HDAC4: variants seen among roughly 807,000 people sequenced by gnomAD.
The protein encoded by HDAC4 is histone deacetylase 4.
A neutral mutation model predicts 135.1 loss-of-function variants in HDAC4; 16 were observed. The ratio of observed to expected loss-of-function variants is 0.12; its 90% CI spans 0.08 to 0.18. The LOEUF (loss-of-function observed/expected upper bound fraction) is 0.18. HDAC4 is among the 10% of genes least tolerant of loss of function. HDAC4 has a pLI of 1.00. For missense variants in HDAC4, 1,143 were observed against 1,511.8 expected (o/e 0.76, Z 4.05); for synonymous variants, 685 against 653.4 (o/e 1.05, Z -0.74).
In HDAC4 at chr2:239,376,523, G is replaced by A. The variant is rs1041937573; in HGVS notation, c.-219-23605C>T. On this transcript the variant is annotated intron_variant, in intron 1 of 26. Transcript: ENST00000543185. ...AGGTGGGACACAGACTCTGTCGACC[G>A]CCCTGGCCCGAAGGCACGTGTCTAC... 5.3e-5 allele frequency among the ~76,000 whole-genome samples: 8 copies of A among 152,352 alleles called. No individual in the cohort carries two copies. The East Asian group carries it at 9.6e-4, about 18-fold the overall frequency.
At chr2:239,302,985 C>A (rs544761459) in intron 2 of HDAC4, among the ~76,000 whole-genome samples, 1 of 152,312 alleles carries the variant, frequency 6.6e-6, no homozygotes, top group South Asian at 2.1e-4. Flanking sequence ...GTGGGCACTG[C>A]CTGGGCACTC....
intron 14 of HDAC4, among the ~76,000 whole-genome samples, chr2:239,110,198 A>G (rs1009654665): frequency 6.6e-6 from 1 of 152,250 alleles, no homozygotes; most frequent in Non-Finnish European, 1.5e-5. Flanking sequence ...ACAACCTGCC[A>G]CCACTGGGGA....
At chr2:239,088,592 G>T (rs1203363366) in intron 18 of HDAC4, among the ~76,000 whole-genome samples, 1 of 152,234 alleles carries the variant, frequency 6.6e-6, no homozygotes, top group Admixed American at 6.5e-5. Flanking sequence ...AAGCACCGGA[G>T]GGTAGACGGC....
chr2:239,121,629 C>T (rs1259891637), intron 12 of HDAC4, among the ~76,000 whole-genome samples: 1 of 152,252 alleles, frequency 6.6e-6, no homozygotes, highest in African/African-American at 2.4e-5. Flanking sequence ...AAGTGTCCCC[C>T]GCTGCCGCAC....
chr2:239,312,893 G>A (rs529265691), intron 2 of HDAC4, among the ~76,000 whole-genome samples: 13 of 152,326 alleles, frequency 8.5e-5, no homozygotes, highest in African/African-American at 2.6e-4. Flanking sequence ...GAGGGAGACC[G>A]GGAGCCTCTG....
At chr2:239,111,762 T>TAGCCCTGCAGCCCAG in intron 13 of HDAC4, 50 bp from the exon 14 acceptor site, 3 of 1,508,952 alleles carry the variant, frequency 2.0e-6, no homozygotes, top group African/African-American at 1.4e-5. Context: ...CTCCCGCCCC[T>TAGCCCTGCAGCCCAG]GGGCTGCAGG....
chr2:239,335,409 T>C (rs958651579), intron 2 of HDAC4, among the ~76,000 whole-genome samples: 11 of 141,310 alleles, frequency 7.8e-5, no homozygotes, highest in African/African-American at 1.9e-4. Context: ...AAATGAGTGA[T>C]AGAACAATGA....
chr2:239,162,953 T>C (rs1399983008), intron 6 of HDAC4, among the ~76,000 whole-genome samples: 1 of 152,158 alleles, frequency 6.6e-6, no homozygotes, highest in Non-Finnish European at 1.5e-5. Context: ...AACTCCCTTA[T>C]GGGATTTTTT....
chr2:239,145,761 C>T (rs2041714789), intron 7 of HDAC4, among the ~76,000 whole-genome samples: 1 of 152,198 alleles, frequency 6.6e-6, no homozygotes, highest in South Asian at 2.1e-4. Flanking sequence ...CTTTCTGGAA[C>T]AGGCAGTGCA....
intron 22 of HDAC4, among the ~76,000 whole-genome samples, chr2:239,078,152 C>A (rs560120358): frequency 1.4e-4 from 22 of 152,294 alleles, no homozygotes; most frequent in Admixed American, 3.9e-4. Context: ...CCTACAAGCC[C>A]CCACCCCCAG....
At chr2:239,061,212 G>A (rs1037009203) in intron 24 of HDAC4, among the ~76,000 whole-genome samples, 5 of 152,132 alleles carry the variant, frequency 3.3e-5, no homozygotes, top group South Asian at 2.1e-4. Context: ...GTATGTGTGC[G>A]TGTGTGGTGT....
At chr2:239,184,327 GT>G (rs2044354602) in intron 4 of HDAC4, among the ~76,000 whole-genome samples, 1 of 144,510 alleles carries the variant, frequency 6.9e-6, no homozygotes, top group African/African-American at 2.5e-5. Context: ...GTGTCCTATG[GT>G]GGTGGGGGGG....
intron 1 of HDAC4, among the ~76,000 whole-genome samples, chr2:239,378,500 T>C (rs1357906728): frequency 5.3e-5 from 8 of 152,036 alleles, no homozygotes; most frequent in Admixed American, 4.6e-4. Flanking sequence ...ACAAGGACCA[T>C]CGTACTGTTG....
At chr2:239,165,742 C>A (rs1272768613) in intron 5 of HDAC4, among the ~76,000 whole-genome samples, 1 of 152,176 alleles carries the variant, frequency 6.6e-6, no homozygotes, top group Non-Finnish European at 1.5e-5. Context: ...TGTGTGTGTG[C>A]ATTTACCCTG....
chr2:239,094,642 C>T (rs1575000501), intron 17 of HDAC4: 1 of 1,157,468 alleles, frequency 8.6e-7, no homozygotes, highest in Non-Finnish European at 1.1e-6. Context: ...AAACTAGGTA[C>T]AGAATACAGA....
At chr2:239,301,774 G>A (rs887768791) in intron 2 of HDAC4, among the ~76,000 whole-genome samples, 3 of 152,244 alleles carry the variant, frequency 2.0e-5, no homozygotes, top group African/African-American at 4.8e-5. Context: ...GAGAGCCACT[G>A]TAGGCCTATT....
rs531387352 is a variant in HDAC4 at position 239,258,412 on chromosome 2, G to C, written c.23-21748C>G. Among the ~76,000 whole-genome samples the C allele has an allele frequency of 1.8e-4, 27 of 152,268 alleles. No homozygotes were observed. In the East Asian group the frequency reaches 2.3e-3, roughly 13 times the overall value. On this transcript the variant is annotated intron_variant, in intron 2 of 26. Coordinates refer to ENST00000543185, the MANE Select transcript of HDAC4 (RefSeq NM_001378414.1). ...GCTGAAAACAAAAACGGCCGTGGAG[G>C]GGGAGGGGGGATTACCTACAAAGAA...
chr2:239,096,867 C>T (rs1352057111), intron 16 of HDAC4, among the ~76,000 whole-genome samples: 4 of 152,110 alleles, frequency 2.6e-5, no homozygotes, highest in Non-Finnish European at 5.9e-5. Flanking sequence ...CACAGATCTG[C>T]ATCAAGGCCG....
At chr2:239,215,182 T>C (rs1382933087) in intron 3 of HDAC4, among the ~76,000 whole-genome samples, 1 of 152,118 alleles carries the variant, frequency 6.6e-6, no homozygotes, top group African/African-American at 2.4e-5. Context: ...GGCGCTTGGA[T>C]GTGATGATGC....
Sources: gnomAD v4.1 joint callset for allele counts (sites outside exome capture counted in the v4.1 genomes callset) on GRCh38, gnomAD v4.1.1 for gene constraint, MANE v1.5 for transcripts, NCBI Gene and HGNC (gene_info 2026-07-23, HGNC 2026-07-21) for gene names.